Variants in CTRC observed in about 807,000 individuals in gnomAD.
CTRC encodes chymotrypsin-C.
In CTRC, 32 loss-of-function variants were observed where a neutral mutation model predicts 35.7. That is an observed-to-expected ratio of 0.90 (90% confidence interval 0.68 to 1.20). The LOEUF is 1.20. Ranked by LOEUF, CTRC falls within the 50% of genes most tolerant of loss-of-function variation. The pLI is 0.00. For missense variants in CTRC, 324 were observed against 361.5 expected (o/e 0.90, Z 0.84); for synonymous variants, 119 against 149.5 (o/e 0.80, Z 1.49).
rs1708232229 is a variant in CTRC at position 15,446,997 on chromosome 1, G to A, written c.*408G>A. The A allele has an allele frequency of 3.0e-6, 1 of 332,636 alleles. No individual in the cohort carries two copies. The highest frequency in any genetic ancestry group is 5.9e-6 in the Non-Finnish European group (1 of 170,546). The allele number at this position is 332,636 out of a possible 1,614,324, so 20.6% of individuals were successfully genotyped here. On this transcript the variant is annotated 3_prime_UTR_variant, in exon 8 of 8. Transcript: ENST00000375949. ...TTCTCCGATCCTACCTCCACCGAGG[G>A]GCCTGGCAGGTCCTCACAGCCCCCC...
At chr1:15,445,780 C>T (rs1383087814) in intron 7 of CTRC, 31 bp downstream of exon 7, 2 of 1,612,956 alleles carry the variant, frequency 1.2e-6, no homozygotes, top group East Asian at 2.2e-5. Flanking sequence ...TGTCCCTGCA[C>T]CTGTCAGCCC....
At chr1:15,438,885 G>A (rs1232016668) in intron 1 of CTRC, among the ~76,000 whole-genome samples, 1 of 152,154 alleles carries the variant, frequency 6.6e-6, no homozygotes, top group African/African-American at 2.4e-5. Flanking sequence ...CGTTTTCCCA[G>A]ATTAGGAGCC....
chr1:15,443,284 C>T, intron 4 of CTRC, 135 bp from the exon 5 acceptor site: 1 of 958,594 alleles, frequency 1.0e-6, no homozygotes, highest in Non-Finnish European at 1.7e-6. Flanking sequence ...CAAGAAGAAG[C>T]TGGCAGTCAG....
In CTRC at chr1:15,446,785, CAG is replaced by C; in HGVS notation, c.*199_*200del. 1 of 708,212 alleles carries C rather than the reference CAG, an allele frequency of 1.4e-6. No homozygotes were observed. The highest frequency in any genetic ancestry group is 2.7e-5 in the East Asian group (1 of 36,510). The allele number at this position is 708,212 out of a possible 1,614,324, so 43.9% of individuals were successfully genotyped here. ...ACCCTGCATTAGACAGGTGGGGAAA[CAG>C]AGGCCGGGAGAGAGGGCCAAGGAAG... On this transcript the variant is annotated 3_prime_UTR_variant, in exon 8 of 8. Transcript: ENST00000375949.
rs2103289290 is a variant in CTRC at position 15,440,341 on chromosome 1, GC to G, written c.85del (p.Arg29GlufsTer35). The G allele has an allele frequency of 6.2e-7, 1 of 1,603,692 alleles. No individual in the cohort carries two copies. The highest frequency in any genetic ancestry group is 1.1e-5 in the South Asian group (1 of 90,334). On this transcript the variant is annotated frameshift_variant, in exon 2 of 8. Transcript: ENST00000375949. LOFTEE classifies it high-confidence loss of function. ...GVPSFPPNLS[A>X]RVVGGEDARP... Reference sequence around the variant, plus strand: ...GCCCAGCTTCCCGCCCAACCTATCCGCCCGAGTGGTGGGAGGAGAGGATGCC... The same window carrying G: ...GCCCAGCTTCCCGCCCAACCTATCCGCCGAGTGGTGGGAGGAGAGGATGCC...
chr1:15,445,863 C>T, intron 7 of CTRC, 114 bp downstream of exon 7: 1 of 1,251,718 alleles, frequency 8.0e-7, no homozygotes, highest in Non-Finnish European at 1.2e-6. Flanking sequence ...TTTATTCACT[C>T]ATTCATGCAT....
chr1:15,445,587 T>C lies in CTRC; in HGVS notation c.640-10T>C. On this transcript the variant is annotated splice_polypyrimidine_tract_variant and intron_variant, in intron 6 of 7. Transcript: ENST00000375949. ...GGCCTGGTGGCTTATGCCCTCCCGG[T>C]CTGGTGCAGGGGGACTCCGGTGGCC... is the stretch of plus-strand genomic sequence containing the variant. 1 of 1,613,676 alleles carries C rather than the reference T, an allele frequency of 6.2e-7. No individual in the cohort carries two copies. The highest frequency in any genetic ancestry group is 1.1e-5 in the South Asian group (1 of 91,082).
At chr1:15,442,041 C>T (rs1032847408) in intron 3 of CTRC, among the ~76,000 whole-genome samples, 2 of 152,048 alleles carry the variant, frequency 1.3e-5, no homozygotes, top group Non-Finnish European at 2.9e-5. Flanking sequence ...CGCACCTGGC[C>T]GGAGATATTT....
intron 5 of CTRC, 144 bp downstream of exon 5, chr1:15,443,699 C>A: frequency 1.0e-6 from 1 of 987,912 alleles, no homozygotes; most frequent in Non-Finnish European, 1.6e-6. Context: ...ATTTACTAAG[C>A]ACATACCATG....
intron 1 of CTRC, among the ~76,000 whole-genome samples, chr1:15,439,150 G>T (rs1049799608): frequency 2.0e-5 from 3 of 152,042 alleles, no homozygotes; most frequent in African/African-American, 7.2e-5. Flanking sequence ...CTATTGCCAG[G>T]CATGGTGGCT....
At chr1:15,440,627 C>G in intron 3 of CTRC, 37 bp downstream of exon 3, 2 of 1,595,008 alleles carry the variant, frequency 1.3e-6, no homozygotes, top group East Asian at 2.2e-5. Flanking sequence ...TGGCCATCGT[C>G]CGGGGGCGGA....
At chr1:15,439,980 G>A (rs768627263) in intron 1 of CTRC, among the ~76,000 whole-genome samples, 1 of 152,154 alleles carries the variant, frequency 6.6e-6, no homozygotes, top group Non-Finnish European at 1.5e-5. Flanking sequence ...GATCTCAAGC[G>A]ATCCACCCGC....
chr1:15,442,060 A>G lies in CTRC; in HGVS notation c.231-387A>G, dbSNP rs544219616. ...CCTGGCCGGAGATATTTTTAAACCC[A>G]CACTGCTGGGTTCAGAATAGACAGG... On this transcript the variant is annotated intron_variant, in intron 3 of 7. Transcript: ENST00000375949. Among the ~76,000 whole-genome samples, 9 of 152,234 alleles carry G rather than the reference A, an allele frequency of 5.9e-5. No homozygotes were observed. In the East Asian group the frequency reaches 1.7e-3, roughly 29 times the overall value.
chr1:15,438,586 G>C, intron 1 of CTRC, 82 bp downstream of exon 1: 1 of 1,499,058 alleles, frequency 6.7e-7, no homozygotes, highest in Non-Finnish European at 9.2e-7. Context: ...GGGAGTGGGG[G>C]GGCCTCTGCT....
chr1:15,439,369 G>A (rs536091848), intron 1 of CTRC, among the ~76,000 whole-genome samples: 58 of 149,758 alleles, frequency 3.9e-4, no homozygotes, highest in African/African-American at 1.3e-3. Context: ...GTTGCAGTGA[G>A]CCGAGATCGC....
chr1:15,443,395 C>T, intron 4 of CTRC, 24 bp from the exon 5 acceptor site: 1 of 1,614,180 alleles, frequency 6.2e-7, no homozygotes, highest in Non-Finnish European at 8.5e-7. Context: ...CCTGCCCACT[C>T]ACCCTCTCCA....
At position 15,444,689 on chromosome 1, in the gene CTRC, G is replaced by A; in HGVS notation, c.577G>A (p.Gly193Ser). Residue 193 changes from glycine (G) to serine (S), a missense_variant, in exon 6 of 8, where the codon GGC (glycine) becomes AGC (serine). Physicochemically the swap from Gly to Ser is moderately conservative, Grantham distance 56. Transcript: ENST00000375949. ...CACGTGCTCCAGGATTGACTGGTGG[G>A]GCTTCAGGGTGAAGAAAACCATGGT... is the stretch of plus-strand genomic sequence containing the variant. Reference protein sequence around the residue: ...HATCSRIDWWGFRVKKTMVCA... With the variant: ...HATCSRIDWWSFRVKKTMVCA... 1 of 1,614,200 alleles carries A rather than the reference G, an allele frequency of 6.2e-7. No individual in the cohort carries two copies. Among genetic ancestry groups the A allele is most frequent in the Non-Finnish European group, 8.5e-7 (1 of 1,180,028 alleles).
intron 1 of CTRC, 74 bp from the exon 2 acceptor site, chr1:15,440,226 G>GGGCCCCCCCCC: frequency 3.8e-6 from 2 of 523,578 alleles, no homozygotes; most frequent in Admixed American, 2.7e-5. Context: ...TCTTCCACCT[G>GGGCCCCCCCCC]CCCACCCTCC....
At chr1:15,445,096 T>G (rs1465461580) in intron 6 of CTRC, among the ~76,000 whole-genome samples, 1 of 152,068 alleles carries the variant, frequency 6.6e-6, no homozygotes, top group Non-Finnish European at 1.5e-5. Context: ...AGAAGAGGCT[T>G]CACTGAAGTC....
Sources: allele counts gnomAD v4.1 joint callset (sites outside exome capture counted in the v4.1 genomes callset), GRCh38; gene constraint gnomAD v4.1.1; transcripts MANE v1.5; gene names NCBI Gene and HGNC (gene_info 2026-07-23, HGNC 2026-07-21).